ZNF185: variants seen among roughly 807,000 people sequenced by gnomAD.
ZNF185 encodes zinc finger protein 185.
In ZNF185, 56 loss-of-function variants were observed where a neutral mutation model predicts 58.6. The observed-to-expected ratio is 0.95, with a 90% confidence interval of 0.77 to 1.19. The LOEUF (loss-of-function observed/expected upper bound fraction) is 1.19. Among genes scored for constraint, ZNF185 ranks in the 50% most tolerant of loss-of-function variants. The probability of loss-of-function intolerance (pLI) is 0.00; values close to 1 mark genes in which losing one functional copy is unlikely to be tolerated. For missense variants in ZNF185, 627 were observed against 573.5 expected (o/e 1.09, Z -0.95); for synonymous variants, 230 against 215.9 (o/e 1.07, Z -0.57).
intron 15 of ZNF185, among the ~76,000 whole-genome samples, chrX:152,944,578 C>T (rs12834648): frequency 0.23 from 25,815 of 111,014 alleles, 2,266 homozygotes; most frequent in South Asian, 0.38. Flanking sequence ...CTCTTTCCCA[C>T]GGTACCCAGA....
rs782807259 is a variant in ZNF185 at position 152,922,743 on chromosome X, C to T, written c.764C>T (p.Ala255Val). Residue 255 changes from alanine to valine, a missense_variant, in exon 11 of 23, where the codon GCG becomes GTG. Ala to Val is a moderately conservative substitution (Grantham distance 64). Coordinates refer to ENST00000449285, the Ensembl canonical transcript of ZNF185. ...AGTGCGGATGGAGGCAGGACCAAAGCGTCTCGGGCAATTTGGATCGAGTGC... is the reference window on the plus strand; with the variant it reads ...AGTGCGGATGGAGGCAGGACCAAAGTGTCTCGGGCAATTTGGATCGAGTGC... 5.8e-5 allele frequency: 70 copies of T among 1,199,257 alleles called. No homozygotes were observed. Among genetic ancestry groups the T allele is most frequent in the Non-Finnish European group, 7.1e-5 (63 of 889,811 alleles).
upstream of ZNF185, among the ~76,000 whole-genome samples, chrX:152,913,488 G>C (rs781865474): frequency 8.9e-6 from 1 of 112,724 alleles, no homozygotes; most frequent in African/African-American, 3.2e-5. Context: ...GTGTGGCACC[G>C]TCTGGGCAGC....
At chrX:152,920,609 G>C (rs1395758199) in intron 8 of ZNF185, 98 bp from the exon 10 acceptor site, 7 of 1,090,845 alleles carry the variant, frequency 6.4e-6, no homozygotes, top group Non-Finnish European at 8.9e-6. Context: ...TGAAGTGCCG[G>C]GAATGGAGAG....
In ZNF185 at chrX:152,917,366, T is replaced by G. The variant is rs1488241347; in HGVS notation, c.341+4T>G. The G allele has an allele frequency of 1.7e-6, 2 of 1,211,192 alleles. No individual in the cohort carries two copies. The highest frequency in any genetic ancestry group is 2.2e-6 in the Non-Finnish European group (2 of 895,196). Reference sequence around the variant, plus strand: ...AGGCCAACGGGACTCCAAAAAGGTATGTCCATGGGGTGTTGGCCAGTCGGC... The same window carrying G: ...AGGCCAACGGGACTCCAAAAAGGTAGGTCCATGGGGTGTTGGCCAGTCGGC... On this transcript the variant is annotated splice_donor_region_variant and intron_variant, in intron 5 of 22. Transcript: ENST00000449285.
At position 152,915,161 on chromosome X, in the gene ZNF185, G is replaced by A. The variant is rs782773367; in HGVS notation, c.182G>A (p.Arg61His). Residue 61 changes from arginine (R) to histidine (H), a missense_variant, in exon 3 of 23, where the codon CGC (arginine) becomes CAC (histidine). Coordinates refer to ENST00000449285, the Ensembl canonical transcript of ZNF185. The stretch of plus-strand genomic sequence containing the variant: ...AGAGAGCTGCCCTCAGGCCGGAGTC[G>A]CGCCACATCCTTTTCATCAGCTGGG... The A allele has an allele frequency of 9.9e-6, 12 of 1,208,892 alleles. No individual in the cohort carries two copies. The highest frequency in any genetic ancestry group is 2.3e-4 in the Middle Eastern group (1 of 4,342).
intron 18 of ZNF185, among the ~76,000 whole-genome samples, chrX:152,964,912 G>T (rs1400819448): frequency 8.9e-6 from 1 of 111,891 alleles, no homozygotes; most frequent in Non-Finnish European, 1.9e-5. Flanking sequence ...GCAGAGGCCA[G>T]TCCAGGATGA....
intron 11 of ZNF185, among the ~76,000 whole-genome samples, chrX:152,925,407 G>A (rs1304622168): frequency 8.9e-6 from 1 of 112,392 alleles, no homozygotes; most frequent in Non-Finnish European, 1.9e-5. Context: ...AATTCCTTTC[G>A]ATGTTTAATC....
chrX:152,921,001 C>T (rs1256895707), intron 9 of ZNF185, among the ~76,000 whole-genome samples: 3 of 112,710 alleles, frequency 2.7e-5, no homozygotes, highest in African/African-American at 9.7e-5. Context: ...CCTGACCCAA[C>T]GTGGAGCATT....
chrX:152,925,889 T>C (rs1047706894), intron 11 of ZNF185, among the ~76,000 whole-genome samples: 2 of 112,514 alleles, frequency 1.8e-5, no homozygotes, highest in South Asian at 7.3e-4. Flanking sequence ...TGCCCTGCCC[T>C]GTTTCCCTTA....
the ZNF185 span, among the ~76,000 whole-genome samples, chrX:152,898,817 C>T: frequency 4.7e-3 from 525 of 112,583 alleles, 4 homozygotes; most frequent in Non-Finnish European, 6.7e-3. Context: ...CGGCACTGCA[C>T]CAGCTCTGTG....
chrX:152,937,013 G>A (rs986258609), intron 14 of ZNF185, among the ~76,000 whole-genome samples: 5 of 112,003 alleles, frequency 4.5e-5, no homozygotes, highest in South Asian at 3.7e-4. Flanking sequence ...TGCTGTAAGC[G>A]TCTGCCCTGT....
At chrX:152,970,952 C>T (rs1556918803) in intron 22 of ZNF185, among the ~76,000 whole-genome samples, 1 of 112,019 alleles carries the variant, frequency 8.9e-6, no homozygotes, top group Non-Finnish European at 1.9e-5. Flanking sequence ...TTCACTGTCA[C>T]TCGCATAGCT....
At chrX:152,941,676 C>T (rs1330040147) in intron 15 of ZNF185, 4 of 1,162,914 alleles carry the variant, frequency 3.4e-6, no homozygotes, top group South Asian at 3.8e-5. Context: ...GTCGCAGTGC[C>T]CGCCGGGAAA....
At chrX:152,907,233 G>A in the ZNF185 span, among the ~76,000 whole-genome samples, 2 of 111,134 alleles carry the variant, frequency 1.8e-5, no homozygotes, top group South Asian at 3.8e-4. Flanking sequence ...CTCCTCCAGC[G>A]CACGGGAATC....
exon 2 of ZNF185, chrX:152,914,714 G>T: frequency 8.3e-7 from 1 of 1,200,517 alleles, no homozygotes. Context: ...CCACAGGGAA[G>T]CCTCTGCCAC....
intron 17 of ZNF185, among the ~76,000 whole-genome samples, chrX:152,960,791 T>C (rs1436478210): frequency 8.9e-6 from 1 of 112,520 alleles, no homozygotes; most frequent in African/African-American, 3.2e-5. Context: ...GGAAACAGTG[T>C]GGTCTCAGGA....
At chrX:152,964,371 C>T (rs1203865637) in intron 18 of ZNF185, among the ~76,000 whole-genome samples, 1 of 112,528 alleles carries the variant, frequency 8.9e-6, no homozygotes, top group Non-Finnish European at 1.9e-5. Context: ...GCTGCACAAG[C>T]ATGGCACCAG....
At chrX:152,955,888 G>A (rs2048769197) in intron 16 of ZNF185, among the ~76,000 whole-genome samples, 1 of 106,361 alleles carries the variant, frequency 9.4e-6, no homozygotes, top group Non-Finnish European at 1.9e-5. Flanking sequence ...GTGACAGAGC[G>A]AGACTCCACC....
intron 15 of ZNF185, chrX:152,941,869 ACCGCGCGTGG>A: frequency 9.0e-7 from 1 of 1,112,364 alleles, no homozygotes; most frequent in East Asian, 3.5e-5. Context: ...CTTTGGGGTG[ACCGCGCGTGG>A]ACCGTCGCCG....
Sources: gnomAD v4.1 joint callset for allele counts (sites outside exome capture counted in the v4.1 genomes callset) on GRCh38, gnomAD v4.1.1 for gene constraint, MANE v1.5 for transcripts, NCBI Gene and HGNC (gene_info 2026-07-23, HGNC 2026-07-21) for gene names.